ZNF292: variants seen among roughly 807,000 people sequenced by gnomAD.
The protein encoded by ZNF292 is 16 zinc-finger domain protein.
ZNF292 carries 26 observed loss-of-function variants against 217.9 expected under a neutral mutation model. That is an observed-to-expected ratio of 0.12 (90% CI 0.09 to 0.17). ZNF292 has a LOEUF of 0.17. ZNF292 is among the 10% of genes least tolerant of loss of function. The probability of loss-of-function intolerance (pLI) is 1.00; values close to 1 mark genes in which losing one functional copy is unlikely to be tolerated. For missense variants in ZNF292, 2,904 were observed against 3,175.2 expected (o/e 0.91, Z 2.05); for synonymous variants, 1,257 against 1,124.1 (o/e 1.12, Z -2.37).
intron 1 of ZNF292, among the ~76,000 whole-genome samples, chr6:87,170,847 TGTTTC>T (rs1771074491): frequency 6.6e-6 from 1 of 152,222 alleles, no homozygotes; most frequent in South Asian, 2.1e-4. Context: ...AGCTTTTCTT[TGTTTC>T]TTTATCCTTC....
rs1562200904 is a variant in ZNF292 at position 87,264,483 on chromosome 6, A to G, written c.*2682A>G. ...AGTCACAGTTGCTGTAGATAATATGAAAGTACAATAATACTATACCTAGGG... is the reference window on the plus strand; with the variant it reads ...AGTCACAGTTGCTGTAGATAATATGGAAGTACAATAATACTATACCTAGGG... On this transcript the variant is annotated 3_prime_UTR_variant, in exon 8 of 8. Coordinates refer to ENST00000369577, the MANE Select transcript of ZNF292 (RefSeq NM_015021.3). Among the ~76,000 whole-genome samples the G allele has an allele frequency of 6.6e-6, 1 of 152,368 alleles. No homozygotes were observed. The highest frequency in any genetic ancestry group is 2.1e-4 in the South Asian group (1 of 4,832).
In ZNF292 at chr6:87,257,609, C is replaced by A. The variant is rs953799667; in HGVS notation, c.3980C>A (p.Ala1327Glu). The A allele has an allele frequency of 6.2e-7, 1 of 1,607,014 alleles. No individual in the cohort carries two copies. Among genetic ancestry groups the A allele is most frequent in the Non-Finnish European group, 8.5e-7 (1 of 1,176,340 alleles). The change falls in exon 8 of 8, where the codon GCA becomes GAA. Residue 1327 changes from alanine (A) to glutamate (E), a missense_variant. Physicochemically the swap from Ala to Glu is moderately radical, Grantham distance 107. Transcript: ENST00000369577. ...GTTTTTCCTTCACAAGTGAATGTTG[C>A]AAATAACTTCAGTAGCACCAATGCC... ...NAVFPSQVNV[A>E]NNFSSTNAQQ...
intron 1 of ZNF292, among the ~76,000 whole-genome samples, chr6:87,160,672 T>A (rs1017672667): frequency 1.0e-5 from 1 of 100,066 alleles, no homozygotes; most frequent in South Asian, 3.2e-4. Context: ...TACATATATA[T>A]GATGTGTGTG....
At chr6:87,201,408 T>C (rs1173782283) in intron 1 of ZNF292, among the ~76,000 whole-genome samples, 3 of 152,194 alleles carry the variant, frequency 2.0e-5, no homozygotes, top group African/African-American at 7.2e-5. Flanking sequence ...TGTTGTTGTT[T>C]TATTTTTTTC....
At chr6:87,224,765 A>G (rs1773259894) in intron 4 of ZNF292, among the ~76,000 whole-genome samples, 1 of 152,142 alleles carries the variant, frequency 6.6e-6, no homozygotes, top group Admixed American at 6.5e-5. Flanking sequence ...CAGCCATGTA[A>G]TGGATGCTGT....
At chr6:87,239,175 G>A (rs1422775887) in intron 5 of ZNF292, among the ~76,000 whole-genome samples, 2 of 152,146 alleles carry the variant, frequency 1.3e-5, no homozygotes, top group East Asian at 1.9e-4. Context: ...ATCATGGCCC[G>A]TTCTCAATGA....
intron 1 of ZNF292, among the ~76,000 whole-genome samples, chr6:87,189,557 G>A (rs73483728): frequency 0.082 from 12,392 of 151,526 alleles, 856 homozygotes; most frequent in African/African-American, 0.19. Flanking sequence ...TCTTTTAGGA[G>A]TAATGGCCAT....
chr6:87,161,644 G>T (rs1770758198), intron 1 of ZNF292, among the ~76,000 whole-genome samples: 1 of 152,304 alleles, frequency 6.6e-6, no homozygotes, highest in Middle Eastern at 3.4e-3. Context: ...TCAAACTCCT[G>T]TGCTCAAGCA....
intron 1 of ZNF292, among the ~76,000 whole-genome samples, chr6:87,183,162 T>C (rs112799507): frequency 0.013 from 1,941 of 152,294 alleles, 27 homozygotes; most frequent in Non-Finnish European, 0.018. Context: ...ATTGAAAGAA[T>C]GATGCTTCAT....
intron 1 of ZNF292, chr6:87,169,765 G>A (rs1211935398): frequency 7.1e-6 from 3 of 420,336 alleles, no homozygotes; most frequent in East Asian, 1.6e-4. Context: ...TCCCACCTCA[G>A]CCTCTTGGAT....
At chr6:87,237,345 A>T (rs921383934) in intron 5 of ZNF292, among the ~76,000 whole-genome samples, 1 of 152,004 alleles carries the variant, frequency 6.6e-6, no homozygotes, top group Non-Finnish European at 1.5e-5. Flanking sequence ...CCGGGGTTCA[A>T]TTAATTTTGC....
chr6:87,251,613 T>A (rs923073459), intron 7 of ZNF292, among the ~76,000 whole-genome samples: 1 of 152,238 alleles, frequency 6.6e-6, no homozygotes, highest in Non-Finnish European at 1.5e-5. Flanking sequence ...TTAACTGTTA[T>A]GAATTAAATA....
At chr6:87,224,519 T>C (rs1020227956) in intron 4 of ZNF292, among the ~76,000 whole-genome samples, 8 of 152,032 alleles carry the variant, frequency 5.3e-5, no homozygotes, top group African/African-American at 1.4e-4. Flanking sequence ...CAACTACTTA[T>C]CTATCTGCCA....
rs1278303763 is a variant in ZNF292, at chr6:87,239,718, C to T, written c.742-3757C>T. On this transcript the variant is annotated intron_variant, in intron 5 of 7. Transcript: ENST00000369577. Reference sequence around the variant, plus strand: ...GGGCTCCTCACCTCCCAGACGGGGTCGCGGCTGGGCAGAGGCGCTCCTCAC... The same window carrying T: ...GGGCTCCTCACCTCCCAGACGGGGTTGCGGCTGGGCAGAGGCGCTCCTCAC... 1.2e-4 allele frequency among the ~76,000 whole-genome samples: 13 copies of T among 112,944 alleles called. 2 individuals carry two copies. Among genetic ancestry groups the T allele is most frequent in the South Asian group, 6.4e-4 (2 of 3,134 alleles). The allele number at this position is 112,944 out of a possible 152,430, so 74.1% of individuals were successfully genotyped here. A position where few individuals can be genotyped will look rare whatever the true frequency, so the allele number is the denominator to read the frequency against.
intron 7 of ZNF292, 26 bp downstream of exon 7, chr6:87,245,670 G>T: frequency 7.4e-7 from 1 of 1,352,566 alleles, no homozygotes; most frequent in South Asian, 1.4e-5. Flanking sequence ...ATATTTTTAA[G>T]GTTAAAATGT....
In ZNF292 at chr6:87,259,308, A is replaced by G. The variant is rs201065528; in HGVS notation, c.5679A>G (p.Gln1893=). ...IQPVSEMINI[Q]FNDKVNKPFV... is the part of the protein sequence containing the mutation. ...CAGTTTCTGAAATGATAAACATTCA[A>G]TTTAATGACAAAGTTAATAAACCCT... Residue 1893 remains glutamine, a synonymous_variant, in exon 8 of 8, where the codon CAA becomes CAG. Transcript: ENST00000369577. 23 of 1,613,628 alleles carry G rather than the reference A, an allele frequency of 1.4e-5. No homozygotes were observed. Among genetic ancestry groups the G allele is most frequent in the East Asian group, 4.5e-5 (2 of 44,864 alleles).
At chr6:87,167,444 C>T (rs1770954607) in intron 1 of ZNF292, among the ~76,000 whole-genome samples, 3 of 152,044 alleles carry the variant, frequency 2.0e-5, no homozygotes, top group Admixed American at 2.0e-4. Context: ...AGTTTGAGAC[C>T]CACCTGACCA....
intron 1 of ZNF292, among the ~76,000 whole-genome samples, chr6:87,186,040 A>G (rs1370363069): frequency 1.3e-5 from 2 of 152,148 alleles, no homozygotes; most frequent in Admixed American, 6.5e-5. Context: ...TTGGTGATCA[A>G]CTTAGTCTTC....
chr6:87,234,558 CAA>C (rs1038739720), intron 5 of ZNF292, among the ~76,000 whole-genome samples: 8 of 118,296 alleles, frequency 6.8e-5, no homozygotes, highest in Admixed American at 1.8e-4. Context: ...GACTCTGTCG[CAA>C]AAAAAAAAAA....
Sources: allele counts gnomAD v4.1 joint callset (sites outside exome capture counted in the v4.1 genomes callset), GRCh38; gene constraint gnomAD v4.1.1; transcripts MANE v1.5; gene names NCBI Gene and HGNC (gene_info 2026-07-23, HGNC 2026-07-21).